Variants in POPDC2 observed in about 807,000 individuals in gnomAD.
POPDC2 encodes the protein popeye domain-containing protein 2.
In POPDC2, 24 loss-of-function variants were observed where a neutral mutation model predicts 30.5. That is an observed-to-expected ratio of 0.79 (90% CI 0.57 to 1.11). The LOEUF (loss-of-function observed/expected upper bound fraction) is 1.11, where lower values mean the gene tolerates loss of function less well. Among genes scored for constraint, POPDC2 ranks in the 50% least tolerant of loss-of-function variants. The pLI is 0.00. For missense variants in POPDC2, 409 were observed against 447.0 expected (o/e 0.91, Z 0.77); for synonymous variants, 185 against 183.3 (o/e 1.01, Z -0.07).
At chr3:119,646,319 T>C (rs991211696) in intron 3 of POPDC2, among the ~76,000 whole-genome samples, 2 of 151,644 alleles carry the variant, frequency 1.3e-5, no homozygotes, top group Non-Finnish European at 2.9e-5. Flanking sequence ...TGAGAAGACA[T>C]AGAAAATGGA....
At chr3:119,652,520 T>C (rs1450854640) in intron 2 of POPDC2, among the ~76,000 whole-genome samples, 3 of 152,190 alleles carry the variant, frequency 2.0e-5, no homozygotes, top group Non-Finnish European at 4.4e-5. Context: ...AACATGACCA[T>C]ACCTACATTC....
intron 3 of POPDC2, among the ~76,000 whole-genome samples, chr3:119,647,491 A>G (rs1220139699): frequency 6.6e-6 from 1 of 152,216 alleles, no homozygotes. Flanking sequence ...GTGACTGGGG[A>G]AAGCCAGGCT....
chr3:119,643,338 T>G, intron 3 of POPDC2: 1 of 1,466,512 alleles, frequency 6.8e-7, no homozygotes, highest in South Asian at 1.2e-5. Context: ...TAGCACATGT[T>G]TTCTTTAGGC....
chr3:119,655,236 G>C (rs2052866427), intron 1 of POPDC2, among the ~76,000 whole-genome samples: 1 of 152,114 alleles, frequency 6.6e-6, no homozygotes, highest in Non-Finnish European at 1.5e-5. Context: ...GCTGAGGCAA[G>C]AGAATCACTT....
At chr3:119,653,058 A>G (rs975436100) in intron 2 of POPDC2, among the ~76,000 whole-genome samples, 14 of 143,450 alleles carry the variant, frequency 9.8e-5, no homozygotes, top group Non-Finnish European at 1.6e-4. Flanking sequence ...ATGCGTGTGC[A>G]TGTGTGTGTG....
At chr3:119,659,867 A>G in intron 1 of POPDC2, 66 bp downstream of exon 1, 1 of 1,498,454 alleles carries the variant, frequency 6.7e-7, no homozygotes, top group Non-Finnish European at 9.0e-7. Context: ...ATGGAAAGGG[A>G]CACACTAGGA....
chr3:119,650,176 G>A (rs1348615854), intron 2 of POPDC2, among the ~76,000 whole-genome samples: 2 of 152,128 alleles, frequency 1.3e-5, no homozygotes, highest in African/African-American at 2.4e-5. Flanking sequence ...GAACTACGCC[G>A]AATGTAAATA....
At position 119,642,448 on chromosome 3, in the gene POPDC2, G is replaced by A. The variant is rs1315306980; in HGVS notation, c.*157C>T. 6.6e-7 allele frequency: 1 copy of A among 1,513,382 alleles called. No homozygotes were observed. The highest frequency in any genetic ancestry group is 1.1e-5 in the South Asian group (1 of 88,916). 93.7% of individuals were successfully genotyped at this position (1,513,382 alleles called of 1,614,324 possible). ...TGTGAACACAGAAGAGAGCTGCGCTGGCCACAGAGAAGATAGTCCAATGAT... is the reference window on the plus strand; with the variant it reads ...TGTGAACACAGAAGAGAGCTGCGCTAGCCACAGAGAAGATAGTCCAATGAT... On this transcript the variant is annotated 3_prime_UTR_variant, in exon 4 of 4. Coordinates refer to ENST00000493094, the MANE Select transcript of POPDC2 (RefSeq NM_001369919.2).
In POPDC2 at chr3:119,642,468, A is replaced by C; in HGVS notation, c.*137T>G. On this transcript the variant is annotated 3_prime_UTR_variant, in exon 4 of 4. Coordinates refer to ENST00000493094, the MANE Select transcript of POPDC2 (RefSeq NM_001369919.2). ...GCGCTGGCCACAGAGAAGATAGTCC[A>C]ATGATCCTTAAAGTTCAGGCGTGTG... The C allele has an allele frequency of 6.3e-7, 1 of 1,594,232 alleles. No individual in the cohort carries two copies. The highest frequency in any genetic ancestry group is 1.3e-5 in the African/African-American group (1 of 74,630).
At chr3:119,643,346 G>A (rs2052711452) in intron 3 of POPDC2, 1 of 1,498,616 alleles carries the variant, frequency 6.7e-7, no homozygotes, top group Non-Finnish European at 9.0e-7. Flanking sequence ...GTTTTCTTTA[G>A]GCCTCCACTT....
In POPDC2 at chr3:119,647,643, T is replaced by G. The variant is rs115577394; in HGVS notation, c.*43+476A>C. On this transcript the variant is annotated intron_variant, in intron 3 of 3. Coordinates refer to ENST00000493094, the MANE Select transcript of POPDC2 (RefSeq NM_001369919.2). The stretch of plus-strand genomic sequence containing the variant: ...TCCTCCCCGAGCTATTAGCTCATAA[T>G]CACAATCCTCTTTAAAATATGCAGT... Among the ~76,000 whole-genome samples, 308 of 152,362 alleles carry G rather than the reference T, an allele frequency of 2.0e-3. 1 individual carries two copies. Among genetic ancestry groups the G allele is most frequent in the Middle Eastern group, 3.4e-3 (1 of 294 alleles).
intron 3 of POPDC2, chr3:119,643,224 T>C (rs1577165215): frequency 4.9e-6 from 3 of 617,144 alleles, no homozygotes; most frequent in Non-Finnish European, 8.6e-6. Context: ...CAGCTGCTTC[T>C]GAGGGGAAGA....
intron 3 of POPDC2, among the ~76,000 whole-genome samples, chr3:119,645,224 G>A (rs903221285): frequency 1.3e-5 from 2 of 152,218 alleles, no homozygotes. Flanking sequence ...TGTATTAAGG[G>A]TTGAGGGCTT....
chr3:119,659,875 G>A, intron 1 of POPDC2, 58 bp downstream of exon 1: 1 of 1,514,568 alleles, frequency 6.6e-7, no homozygotes. Flanking sequence ...GGACACACTA[G>A]GAAATGAGAA....
chr3:119,647,347 G>A (rs562124070), intron 3 of POPDC2, among the ~76,000 whole-genome samples: 364 of 152,296 alleles, frequency 2.4e-3, no homozygotes, highest in African/African-American at 8.5e-3. Context: ...AGGGAAACAT[G>A]AGAGCAATTT....
At chr3:119,652,166 G>C (rs888833685) in intron 2 of POPDC2, among the ~76,000 whole-genome samples, 4 of 152,282 alleles carry the variant, frequency 2.6e-5, no homozygotes, top group African/African-American at 9.6e-5. Flanking sequence ...GAAAAACAGT[G>C]ATGATTTCTG....
chr3:119,651,542 A>C (rs1318258792), intron 2 of POPDC2, among the ~76,000 whole-genome samples: 1 of 152,144 alleles, frequency 6.6e-6, no homozygotes. Context: ...GTATATACTA[A>C]GTTTTCAATA....
intron 2 of POPDC2, among the ~76,000 whole-genome samples, chr3:119,654,031 G>A (rs776854590): frequency 9.9e-5 from 15 of 152,160 alleles, no homozygotes; most frequent in Non-Finnish European, 1.8e-4. Context: ...CACAGTGGAA[G>A]TGAGGTTCCG....
intron 3 of POPDC2, chr3:119,643,294 G>T: frequency 1.1e-6 from 1 of 930,468 alleles, no homozygotes; most frequent in South Asian, 1.4e-5. Context: ...AGAGCAGGCT[G>T]ACATGTGACT....
Sources: allele counts gnomAD v4.1 joint callset (sites outside exome capture counted in the v4.1 genomes callset), GRCh38; gene constraint gnomAD v4.1.1; transcripts MANE v1.5; gene names NCBI Gene and HGNC (gene_info 2026-07-23, HGNC 2026-07-21).